Variants in DST observed in about 807,000 individuals in gnomAD.
DST encodes dystonin, also known as bullous pemphigoid antigen.
DST carries 253 observed loss-of-function variants against 875.2 expected under a neutral mutation model. That is an observed-to-expected ratio of 0.29 (90% CI 0.26 to 0.32). The LOEUF (loss-of-function observed/expected upper bound fraction) is 0.32, where lower values mean the gene tolerates loss of function less well. DST is among the 10% of genes least tolerant of loss of function. DST has a pLI of 1.00. For synonymous variants in DST, 3,124 were observed against 3,197.1 expected (o/e 0.98, Z 0.77); for missense variants, 8,287 against 9,111.6 (o/e 0.91, Z 3.68).
chr6:56,716,019 A>G (rs527463565), intron 5 of DST, among the ~76,000 whole-genome samples: 1 of 152,324 alleles, frequency 6.6e-6, no homozygotes, highest in East Asian at 1.9e-4. Flanking sequence ...TTTTTCTCCT[A>G]TGAATCTGTC....
At chr6:56,680,340 G>A (rs2099151164) in intron 9 of DST, among the ~76,000 whole-genome samples, 1 of 152,172 alleles carries the variant, frequency 6.6e-6, no homozygotes, top group Non-Finnish European at 1.5e-5. Flanking sequence ...TGGGTAGGGG[G>A]ATGCTGATGA....
At chr6:56,617,901 T>C in intron 36 of DST, 1 of 1,217,094 alleles carries the variant, frequency 8.2e-7, no homozygotes, top group Middle Eastern at 1.9e-4. Context: ...AAAATTGTTT[T>C]AAAAATTTAG....
At chr6:56,642,353 T>C (rs1397875494) in intron 16 of DST, 57 bp downstream of exon 16, 1 of 1,255,402 alleles carries the variant, frequency 8.0e-7, no homozygotes, top group Non-Finnish European at 1.2e-6. Context: ...TTTTAGTTCA[T>C]CCAAACGCAC....
At position 56,510,349 on chromosome 6, in the gene DST, A is replaced by C. The variant is rs59922472; in HGVS notation, c.18781-476T>G. Among the ~76,000 whole-genome samples the C allele has an allele frequency of 2.4e-3, 369 of 152,254 alleles. 1 individual carries two copies. The highest frequency in any genetic ancestry group is 8.7e-3 in the African/African-American group (363 of 41,548). On this transcript the variant is annotated intron_variant, in intron 73 of 103. Coordinates refer to ENST00000680361, the MANE Select transcript of DST (RefSeq NM_001374736.1). Reference sequence around the variant, plus strand: ...ATTATTTAATGTGAAATTCATGGGAAGTTTTGATTAGATTCCAGGGAATCC... The same window carrying C: ...ATTATTTAATGTGAAATTCATGGGACGTTTTGATTAGATTCCAGGGAATCC...
In DST at chr6:56,614,499, C is replaced by G. The variant is rs770524223; in HGVS notation, c.4930-15G>C. 6.3e-7 allele frequency: 1 copy of G among 1,583,620 alleles called. No homozygotes were observed. Among genetic ancestry groups the G allele is most frequent in the East Asian group, 2.3e-5 (1 of 43,946 alleles). On this transcript the variant is annotated splice_polypyrimidine_tract_variant and intron_variant, in intron 36 of 103. Coordinates refer to ENST00000680361, the MANE Select transcript of DST (RefSeq NM_001374736.1). The stretch of plus-strand genomic sequence containing the variant: ...TCCAGTGACTTCTGACAGTTGTGAG[C>G]GGTAAGAAAAATATACACTGCATTA...
At chr6:56,648,490 T>G in intron 13 of DST, 80 bp downstream of exon 13, 1 of 1,371,662 alleles carries the variant, frequency 7.3e-7, no homozygotes, top group Non-Finnish European at 9.6e-7. Flanking sequence ...GTTGAACTTC[T>G]AAAATTACAG....
intron 55 of DST, among the ~76,000 whole-genome samples, chr6:56,564,307 T>C (rs969892518): frequency 1.3e-5 from 2 of 152,186 alleles, no homozygotes; most frequent in Non-Finnish European, 2.9e-5. Flanking sequence ...TTGTAAGTTC[T>C]ATTCCTAGGT....
intron 4 of DST, among the ~76,000 whole-genome samples, chr6:56,737,753 C>T (rs2099530975): frequency 6.6e-6 from 1 of 152,186 alleles, no homozygotes; most frequent in East Asian, 1.9e-4. Context: ...TGCTGTACAA[C>T]AATTTGTTAA....
chr6:56,619,874 T>C lies in DST; in HGVS notation c.4929+4656A>G, dbSNP rs144777864. 60 of 1,614,210 alleles carry C rather than the reference T, an allele frequency of 3.7e-5. 1 individual carries two copies. The African/African-American group carries it at 5.7e-4, about 15-fold the overall frequency. ...TTCAAGCTGGAGGGCATTAAGTTCA[T>C]ATGTCAGCTCTCTCATGTCTTGTTC... On this transcript the variant is annotated intron_variant, in intron 36 of 103. Transcript: ENST00000680361.
intron 5 of DST, among the ~76,000 whole-genome samples, chr6:56,709,394 T>C (rs146305542): frequency 1.3e-4 from 20 of 152,362 alleles, no homozygotes; most frequent in Middle Eastern, 6.8e-3. Context: ...TCAAAAATAC[T>C]ACACTGAAAA....
At position 56,529,475 on chromosome 6, in the gene DST, C is replaced by T. The variant is rs755606940; in HGVS notation, c.17568G>A (p.Gly5856=). The part of the protein sequence containing the change: ...KLSVQDYSTE[G]LWKQQSELRV... ...GAAGTTCAGACTGCTGCTTCCATAG[C>T]CCCTCAGTGCTGTAATCCTGGACTG... The change falls in exon 66 of 104, where the codon GGG becomes GGA. Residue 5856 remains glycine, a synonymous_variant. Coordinates refer to ENST00000680361, the MANE Select transcript of DST (RefSeq NM_001374736.1). 1.2e-5 allele frequency: 19 copies of T among 1,523,844 alleles called. No individual in the cohort carries two copies. In the Admixed American group the frequency reaches 2.5e-4, roughly 20 times the overall value. 94.4% of individuals were successfully genotyped at this position (1,523,844 alleles called of 1,614,324 possible).
chr6:56,837,908 A>G (rs1300707915), intron 4 of DST, among the ~76,000 whole-genome samples: 2 of 150,400 alleles, frequency 1.3e-5, no homozygotes, highest in Admixed American at 6.6e-5. Flanking sequence ...ACAAAATTGC[A>G]TTAAAGGACA....
At chr6:56,476,733 G>T (rs907232093) in intron 91 of DST, among the ~76,000 whole-genome samples, 44 of 152,086 alleles carry the variant, frequency 2.9e-4, no homozygotes, top group Non-Finnish European at 3.2e-4. Flanking sequence ...GAGGTGGGCG[G>T]ATCACGAGGT....
intron 67 of DST, 81 bp downstream of exon 67, chr6:56,528,760 G>C: frequency 1.0e-6 from 1 of 976,444 alleles, no homozygotes; most frequent in East Asian, 2.6e-5. Flanking sequence ...AAAGTGTTTT[G>C]GTTTTTTCCC....
chr6:56,927,618 C>G (rs1807865372), intron 2 of DST, among the ~76,000 whole-genome samples: 1 of 152,000 alleles, frequency 6.6e-6, no homozygotes, highest in South Asian at 2.1e-4. Context: ...TAGAAAAGTT[C>G]CTATTATATT....
At chr6:56,817,396 A>G (rs771436929) in intron 4 of DST, among the ~76,000 whole-genome samples, 2 of 152,228 alleles carry the variant, frequency 1.3e-5, no homozygotes, top group Non-Finnish European at 2.9e-5. Context: ...GATGAAGAAG[A>G]CAAAAGATGG....
chr6:56,638,816 C>G, intron 22 of DST: 1 of 188,836 alleles, frequency 5.3e-6, no homozygotes, highest in South Asian at 1.1e-4. Context: ...TTTTTGAGAA[C>G]AAATAATGTA....
chr6:56,919,092 A>C (rs905588280), intron 2 of DST, among the ~76,000 whole-genome samples: 2 of 151,956 alleles, frequency 1.3e-5, no homozygotes, highest in Non-Finnish European at 2.9e-5. Context: ...TGATTTGAGA[A>C]GTTTTTTATA....
intron 5 of DST, among the ~76,000 whole-genome samples, chr6:56,729,626 AT>A (rs2152923776): frequency 6.6e-6 from 1 of 151,598 alleles, no homozygotes; most frequent in Non-Finnish European, 1.5e-5. Flanking sequence ...AAAAAAAAAA[AT>A]TCCCCTATTT....
Sources: gnomAD v4.1 joint callset for allele counts (sites outside exome capture counted in the v4.1 genomes callset) on GRCh38, gnomAD v4.1.1 for gene constraint, MANE v1.5 for transcripts, NCBI Gene and HGNC (gene_info 2026-07-23, HGNC 2026-07-21) for gene names.